The following NSMCE2 variants were observed in gnomAD, a reference collection of about 807,000 sequenced individuals.
NSMCE2 encodes E3 SUMO-protein ligase NSE2.
A neutral mutation model predicts 23.8 loss-of-function variants in NSMCE2; 24 were observed. The ratio of observed to expected loss-of-function variants is 1.01; its 90% CI spans 0.73 to 1.42. The LOEUF (loss-of-function observed/expected upper bound fraction) is 1.42. Among genes scored for constraint, NSMCE2 ranks in the 40% most tolerant of loss-of-function variants. The pLI is 0.00. For synonymous variants in NSMCE2, 92 were observed against 94.1 expected (o/e 0.98, Z 0.13); for missense variants, 284 against 296.5 (o/e 0.96, Z 0.31).
chr8:125,266,092 C>CTTT (rs71295827), intron 5 of NSMCE2, among the ~76,000 whole-genome samples: 8 of 132,404 alleles, frequency 6.0e-5, no homozygotes, highest in East Asian at 2.2e-4. Flanking sequence ...CAAATTTTTT[C>CTTT]TTTTTTTTTT....
intron 5 of NSMCE2, among the ~76,000 whole-genome samples, chr8:125,237,657 C>CT (rs1489767106): frequency 6.6e-6 from 1 of 152,182 alleles, no homozygotes; most frequent in Non-Finnish European, 1.5e-5. Flanking sequence ...AAGTCACATT[C>CT]TTTTTTTCTC....
At chr8:125,355,509 G>T (rs1373752045) in intron 5 of NSMCE2, among the ~76,000 whole-genome samples, 1 of 152,066 alleles carries the variant, frequency 6.6e-6, no homozygotes, top group African/African-American at 2.4e-5. Flanking sequence ...AGACCAGCCT[G>T]GCCAATATGG....
chr8:125,337,632 A>G (rs1177720308), intron 5 of NSMCE2, among the ~76,000 whole-genome samples: 2 of 151,614 alleles, frequency 1.3e-5, no homozygotes, highest in Non-Finnish European at 1.5e-5. Context: ...TGGTGGCTCA[A>G]GCCTGTAATC....
chr8:125,289,929 A>T (rs986985838), intron 5 of NSMCE2, among the ~76,000 whole-genome samples: 1 of 152,184 alleles, frequency 6.6e-6, no homozygotes, highest in Admixed American at 6.5e-5. Context: ...AAGAATAATT[A>T]TTTTCTCCCC....
chr8:125,178,119 C>T (rs562428087), intron 4 of NSMCE2, among the ~76,000 whole-genome samples: 5 of 152,160 alleles, frequency 3.3e-5, no homozygotes, highest in Admixed American at 6.5e-5. Flanking sequence ...AGTTGTGTGT[C>T]CTCCAGGCAT....
At chr8:125,300,732 T>C (rs1341193277) in intron 5 of NSMCE2, among the ~76,000 whole-genome samples, 1 of 152,040 alleles carries the variant, frequency 6.6e-6, no homozygotes, top group Non-Finnish European at 1.5e-5. Context: ...TACAAGGTGC[T>C]TTGAGAGTAG....
intron 5 of NSMCE2, among the ~76,000 whole-genome samples, chr8:125,336,559 G>A (rs1430247147): frequency 6.6e-6 from 1 of 152,236 alleles, no homozygotes; most frequent in African/African-American, 2.4e-5. Flanking sequence ...GAGAAGTGAT[G>A]AGGATATGGG....
chr8:125,259,548 A>T (rs1826594421), intron 5 of NSMCE2, among the ~76,000 whole-genome samples: 1 of 152,062 alleles, frequency 6.6e-6, no homozygotes, highest in Non-Finnish European at 1.5e-5. Context: ...AGTCTGTGAC[A>T]AATTGTCTTC....
At chr8:125,296,194 T>C (rs1337721420) in intron 5 of NSMCE2, among the ~76,000 whole-genome samples, 1 of 152,186 alleles carries the variant, frequency 6.6e-6, no homozygotes. Flanking sequence ...TTTTACAAAC[T>C]GAGGTAAATT....
At chr8:125,173,235 C>T (rs928229327) in intron 4 of NSMCE2, among the ~76,000 whole-genome samples, 5 of 152,152 alleles carry the variant, frequency 3.3e-5, no homozygotes, top group Admixed American at 1.3e-4. Context: ...TTGGTGAAAT[C>T]ATTCTTCACT....
chr8:125,281,012 C>T (rs147702129), intron 5 of NSMCE2, among the ~76,000 whole-genome samples: 1 of 152,206 alleles, frequency 6.6e-6, no homozygotes, highest in Non-Finnish European at 1.5e-5. Context: ...AAAACTCTGC[C>T]TGCCTATCCA....
intron 4 of NSMCE2, among the ~76,000 whole-genome samples, chr8:125,163,616 C>T (rs13259062): frequency 0.058 from 8,854 of 152,286 alleles, 394 homozygotes; most frequent in South Asian, 0.15. Context: ...GACTACCCCC[C>T]TGCCCCACAA....
chr8:125,196,457 G>T (rs879249920), intron 5 of NSMCE2, among the ~76,000 whole-genome samples: 5 of 152,040 alleles, frequency 3.3e-5, no homozygotes, highest in African/African-American at 4.8e-5. Flanking sequence ...TGTGGATTTG[G>T]TTTCCTGTCC....
chr8:125,287,857 A>G (rs1321980916), intron 5 of NSMCE2, among the ~76,000 whole-genome samples: 3 of 152,136 alleles, frequency 2.0e-5, no homozygotes, highest in Non-Finnish European at 4.4e-5. Flanking sequence ...CAGTTTTCCA[A>G]TCCATATCTT....
At chr8:125,223,145 C>T (rs1824944242) in intron 5 of NSMCE2, among the ~76,000 whole-genome samples, 2 of 151,764 alleles carry the variant, frequency 1.3e-5, no homozygotes, top group Admixed American at 6.6e-5. Context: ...GCAGGCAGCT[C>T]AGGAGTTTGA....
intron 5 of NSMCE2, among the ~76,000 whole-genome samples, chr8:125,280,151 TTTAAAGCTGCCTTTA>T (rs1404753244): frequency 6.6e-6 from 1 of 152,222 alleles, no homozygotes; most frequent in African/African-American, 2.4e-5. Context: ...AAGATGATTT[TTTAAAGCTGCCTTTA>T]TTAACATAAG....
intron 5 of NSMCE2, among the ~76,000 whole-genome samples, chr8:125,338,485 T>A (rs183490301): frequency 6.6e-6 from 1 of 152,282 alleles, no homozygotes; most frequent in East Asian, 1.9e-4. Context: ...GACAGCAGAG[T>A]GCAAGCATCT....
chr8:125,347,287 C>G (rs1812810115), intron 5 of NSMCE2, among the ~76,000 whole-genome samples: 1 of 152,164 alleles, frequency 6.6e-6, no homozygotes, highest in South Asian at 2.1e-4. Context: ...AGCCCATGTT[C>G]CTAAATACTG....
At chr8:125,130,898 A>G (rs910767830) in intron 3 of NSMCE2, among the ~76,000 whole-genome samples, 4 of 152,226 alleles carry the variant, frequency 2.6e-5, no homozygotes, top group African/African-American at 9.6e-5. Flanking sequence ...GTGTGCCTCC[A>G]GTATACATGT....
Sources: gnomAD v4.1 joint callset for allele counts (sites outside exome capture counted in the v4.1 genomes callset) on GRCh38, gnomAD v4.1.1 for gene constraint, MANE v1.5 for transcripts, NCBI Gene and HGNC (gene_info 2026-07-23, HGNC 2026-07-21) for gene names.